UTS2B: variants seen among roughly 807,000 people sequenced by gnomAD.
UTS2B encodes the protein urotensin 2B, also known as urotensin-2B.
UTS2B carries 21 observed loss-of-function variants against 19.2 expected under a neutral mutation model. The ratio of observed to expected loss-of-function variants is 1.09; its 90% CI spans 0.78 to 1.58. The LOEUF (loss-of-function observed/expected upper bound fraction) is 1.58. Among genes scored for constraint, UTS2B ranks in the 40% most tolerant of loss-of-function variants. The pLI, the probability that UTS2B is intolerant of heterozygous loss-of-function variation, is 0.00. For synonymous variants in UTS2B, 57 were observed against 50.2 expected, an observed-to-expected ratio of 1.14 and a Z score of -0.58; for missense variants, 138 against 130.3, an observed-to-expected ratio of 1.06 and a Z score of -0.29.
At chr3:191,270,287 C>T (rs1716051856) in intron 8 of UTS2B, among the ~76,000 whole-genome samples, 1 of 152,186 alleles carries the variant, frequency 6.6e-6, no homozygotes, top group African/African-American at 2.4e-5. Flanking sequence ...ACCTCGAACT[C>T]CTTGGCTCAA....
intron 3 of UTS2B, among the ~76,000 whole-genome samples, chr3:191,309,983 G>A (rs1245793396): frequency 6.9e-6 from 1 of 145,696 alleles, no homozygotes; most frequent in Non-Finnish European, 1.5e-5. Flanking sequence ...CTTTCTTTGT[G>A]GCAGGGTCTC....
intron 1 of UTS2B, chr3:191,329,710 T>C (rs1319070391): frequency 6.2e-7 from 1 of 1,610,292 alleles, no homozygotes; most frequent in South Asian, 1.1e-5. Context: ...CCAAGCTGCC[T>C]GGAGTCAAGG....
intron 8 of UTS2B, among the ~76,000 whole-genome samples, chr3:191,273,920 T>G (rs573855293): frequency 5.3e-5 from 8 of 152,278 alleles, no homozygotes; most frequent in Admixed American, 1.3e-4. Context: ...CTAACCAACA[T>G]GGTGAAACCC....
At chr3:191,299,905 A>G (rs933561290) in intron 4 of UTS2B, among the ~76,000 whole-genome samples, 5 of 152,356 alleles carry the variant, frequency 3.3e-5, no homozygotes, top group South Asian at 2.1e-4. Context: ...CCTTGCATCA[A>G]TGTGCCCTGG....
chr3:191,321,791 C>T (rs911403212), intron 2 of UTS2B, among the ~76,000 whole-genome samples: 1 of 152,160 alleles, frequency 6.6e-6, no homozygotes, highest in African/African-American at 2.4e-5. Context: ...CTTTGGGAGG[C>T]CAAGGTGGGC....
chr3:191,275,086 A>G (rs1369329347), intron 8 of UTS2B, among the ~76,000 whole-genome samples, 166 bp downstream of exon 8: 1 of 152,220 alleles, frequency 6.6e-6, no homozygotes. Flanking sequence ...GCTCAAATAC[A>G]TTTATATGGT....
intron 8 of UTS2B, among the ~76,000 whole-genome samples, chr3:191,274,033 C>T (rs1317883612): frequency 6.6e-6 from 1 of 151,800 alleles, no homozygotes; most frequent in African/African-American, 2.4e-5. Flanking sequence ...ACCCCAGAGA[C>T]AGAGGTTGCA....
chr3:191,294,082 T>A (rs1716794034), intron 4 of UTS2B, among the ~76,000 whole-genome samples: 1 of 151,700 alleles, frequency 6.6e-6, no homozygotes, highest in African/African-American at 2.4e-5. Flanking sequence ...CACTCCAGCC[T>A]GGGCAACAGG....
chr3:191,323,551 G>A lies in UTS2B; in HGVS notation c.-586+5080C>T, dbSNP rs558800929. Among the ~76,000 whole-genome samples, 16 of 152,318 alleles carry A rather than the reference G, an allele frequency of 1.1e-4. No homozygotes were observed. In the South Asian group the frequency reaches 1.9e-3, roughly 18 times the overall value. On this transcript the variant is annotated intron_variant, in intron 2 of 8. Transcript: ENST00000340524. ...CCTTGTAGGTATAAGGGAAGAAGGTGTGCTATCAGTGTGTTTTGGAATAGG... is the reference window on the plus strand; with the variant it reads ...CCTTGTAGGTATAAGGGAAGAAGGTATGCTATCAGTGTGTTTTGGAATAGG...
intron 3 of UTS2B, among the ~76,000 whole-genome samples, chr3:191,309,366 G>C (rs571819586): frequency 1.3e-5 from 2 of 151,830 alleles, no homozygotes; most frequent in Non-Finnish European, 2.9e-5. Context: ...GTAGAGATGA[G>C]GTTTCACCGT....
the UTS2B span, among the ~76,000 whole-genome samples, chr3:191,345,317 G>C: frequency 2.0e-5 from 3 of 152,152 alleles, no homozygotes; most frequent in Non-Finnish European, 4.4e-5. Context: ...ATGTTTGCGG[G>C]CATTTTAAAA....
At chr3:191,326,409 T>C (rs566336914) in intron 2 of UTS2B, among the ~76,000 whole-genome samples, 1 of 152,326 alleles carries the variant, frequency 6.6e-6, no homozygotes, top group Non-Finnish European at 1.5e-5. Context: ...TCATTTCTTA[T>C]GACCAAAGTC....
the UTS2B span, among the ~76,000 whole-genome samples, chr3:191,335,625 A>G: frequency 3.3e-5 from 5 of 152,270 alleles, no homozygotes; most frequent in African/African-American, 1.2e-4. Context: ...AAAAGCATAC[A>G]CACATACATT....
At chr3:191,288,114 A>T (rs1338761914) in intron 4 of UTS2B, among the ~76,000 whole-genome samples, 1 of 152,180 alleles carries the variant, frequency 6.6e-6, no homozygotes, top group East Asian at 1.9e-4. Context: ...CAACAACAAA[A>T]CATTGATGAA....
intron 5 of UTS2B, among the ~76,000 whole-genome samples, chr3:191,279,224 A>G (rs1576915291): frequency 6.6e-6 from 1 of 152,044 alleles, no homozygotes; most frequent in South Asian, 2.1e-4. Context: ...TTGTTGCTCA[A>G]TTCTTCAATT....
At chr3:191,317,552 C>T (rs1236189707) in intron 2 of UTS2B, among the ~76,000 whole-genome samples, 1 of 143,764 alleles carries the variant, frequency 7.0e-6, no homozygotes, top group Non-Finnish European at 1.5e-5. Context: ...GTTGTCACCT[C>T]TCATTAGGAT....
chr3:191,317,573 G>GTTGTTGTT (rs1378057048), intron 2 of UTS2B, among the ~76,000 whole-genome samples: 1 of 77,224 alleles, frequency 1.3e-5, no homozygotes, highest in Non-Finnish European at 2.6e-5. Context: ...AGTCTTTGTT[G>GTTGTTGTT]TTGTTGTTGT....
intron 4 of UTS2B, among the ~76,000 whole-genome samples, chr3:191,288,056 A>C (rs544865384): frequency 2.0e-4 from 31 of 152,164 alleles, no homozygotes; most frequent in Non-Finnish European, 4.1e-4. Flanking sequence ...CCCTCAAAAA[A>C]TTATTAGGAA....
intron 4 of UTS2B, among the ~76,000 whole-genome samples, chr3:191,296,289 A>T (rs1277181861): frequency 6.9e-6 from 1 of 145,086 alleles, no homozygotes; most frequent in Non-Finnish European, 1.5e-5. Flanking sequence ...ACACACATAC[A>T]CACATACTCC....
Sources: allele counts gnomAD v4.1 joint callset (sites outside exome capture counted in the v4.1 genomes callset), GRCh38; gene constraint gnomAD v4.1.1; transcripts MANE v1.5; gene names NCBI Gene and HGNC (gene_info 2026-07-23, HGNC 2026-07-21).